Variants in PTPRT observed in about 807,000 individuals in gnomAD.
The protein encoded by PTPRT is protein tyrosine phosphatase receptor type T.
In PTPRT, 56 loss-of-function variants were observed where a neutral mutation model predicts 176.8. The ratio of observed to expected loss-of-function variants is 0.32; its 90% CI spans 0.26 to 0.40. The LOEUF (loss-of-function observed/expected upper bound fraction) is 0.40, where lower values mean the gene tolerates loss of function less well. Among genes scored for constraint, PTPRT ranks in the 10% least tolerant of loss-of-function variants. The probability of loss-of-function intolerance (pLI) is 1.00; values close to 1 mark genes in which losing one functional copy is unlikely to be tolerated. For missense variants in PTPRT, 1,540 were observed against 1,908.2 expected, an observed-to-expected ratio of 0.81 and a Z score of 3.60; for synonymous variants, 783 against 739.0, an observed-to-expected ratio of 1.06 and a Z score of -0.96.
At chr20:42,851,911 G>T (rs2078478938) in intron 2 of PTPRT, among the ~76,000 whole-genome samples, 1 of 152,100 alleles carries the variant, frequency 6.6e-6, no homozygotes, top group African/African-American at 2.4e-5. Flanking sequence ...TTTCCTAACA[G>T]CATTAATTAT....
intron 1 of PTPRT, among the ~76,000 whole-genome samples, chr20:43,167,088 G>A (rs139821080): frequency 3.9e-5 from 6 of 152,254 alleles, no homozygotes; most frequent in South Asian, 2.1e-4. Context: ...AGGGAGTGCC[G>A]TCATGTTAGT....
chr20:43,124,425 T>C (rs2146365317), intron 1 of PTPRT, among the ~76,000 whole-genome samples: 1 of 152,318 alleles, frequency 6.6e-6, no homozygotes, highest in Non-Finnish European at 1.5e-5. Context: ...CACACTGGCT[T>C]TGTCTCTTCT....
chr20:43,003,776 T>C (rs1984715179), intron 1 of PTPRT, among the ~76,000 whole-genome samples: 1 of 152,142 alleles, frequency 6.6e-6, no homozygotes, highest in Admixed American at 6.5e-5. Flanking sequence ...TCCCAGATGA[T>C]TCATAGGCAC....
At chr20:42,110,983 A>ACTT (rs1986957396) in intron 22 of PTPRT, among the ~76,000 whole-genome samples, 1 of 152,192 alleles carries the variant, frequency 6.6e-6, no homozygotes, top group African/African-American at 2.4e-5. Flanking sequence ...AGTTTATATA[A>ACTT]CTTAGTACTG....
chr20:42,642,620 G>A (rs2074785287), intron 7 of PTPRT, among the ~76,000 whole-genome samples: 2 of 152,044 alleles, frequency 1.3e-5, no homozygotes, highest in African/African-American at 4.8e-5. Context: ...TTAAATACCT[G>A]AGATCAATGA....
intron 1 of PTPRT, among the ~76,000 whole-genome samples, chr20:42,929,372 AT>A (rs1168205756): frequency 8.5e-5 from 13 of 152,266 alleles, no homozygotes; most frequent in African/African-American, 3.1e-4. Flanking sequence ...AAAGAAGGAC[AT>A]TAAATCATCT....
chr20:42,626,465 C>T (rs1209904340), intron 7 of PTPRT, among the ~76,000 whole-genome samples: 1 of 152,188 alleles, frequency 6.6e-6, no homozygotes, highest in Non-Finnish European at 1.5e-5. Flanking sequence ...TGCTCAATAA[C>T]AACCAAAGGG....
chr20:42,712,462 G>C (rs371015813), intron 6 of PTPRT, among the ~76,000 whole-genome samples: 2 of 152,192 alleles, frequency 1.3e-5, no homozygotes, highest in African/African-American at 4.8e-5. Flanking sequence ...TGTTTGCCAG[G>C]GACAGTACAC....
intron 7 of PTPRT, among the ~76,000 whole-genome samples, chr20:42,481,917 GTACTTATGGTGTGTTCT>G (rs2071394077): frequency 6.6e-6 from 1 of 151,916 alleles, no homozygotes. Flanking sequence ...CAACACTAGT[GTACTTATGGTGTGTTCT>G]TGATTGTAAG....
At chr20:42,996,270 C>T (rs141096583) in intron 1 of PTPRT, among the ~76,000 whole-genome samples, 1 of 152,194 alleles carries the variant, frequency 6.6e-6, no homozygotes. Context: ...AAGATCCTTA[C>T]AGCAATCAGC....
At position 42,248,753 on chromosome 20, in the gene PTPRT, C is replaced by G; in HGVS notation, c.2246G>C (p.Gly749Ala). 2.5e-6 allele frequency: 4 copies of G among 1,614,060 alleles called. No homozygotes were observed. Among genetic ancestry groups the G allele is most frequent in the Non-Finnish European group, 3.4e-6 (4 of 1,179,970 alleles). The part of the protein sequence containing the change: ...KQVDNTVKMA[G>A]VIAGLLMFII... ...GAACATGAGGAGGCCAGCGATCACG[C>G]CAGCCATCTTCACGGTGTTGTCCAC... The change falls in exon 14 of 31, where the codon GGC becomes GCC. Residue 749 changes from glycine to alanine, a missense_variant. Transcript: ENST00000373187.
intron 18 of PTPRT, among the ~76,000 whole-genome samples, chr20:42,136,500 A>G (rs984970400): frequency 2.6e-5 from 4 of 151,864 alleles, no homozygotes; most frequent in African/African-American, 9.7e-5. Context: ...CATTCTGTGT[A>G]CCTCCTTGTC....
At chr20:42,484,075 G>A (rs2071429777) in intron 7 of PTPRT, among the ~76,000 whole-genome samples, 1 of 152,104 alleles carries the variant, frequency 6.6e-6, no homozygotes, top group Non-Finnish European at 1.5e-5. Flanking sequence ...TTTCAACCCT[G>A]GCAGTAGCTG....
At chr20:42,391,376 A>G (rs1260113123) in intron 9 of PTPRT, among the ~76,000 whole-genome samples, 1 of 152,184 alleles carries the variant, frequency 6.6e-6, no homozygotes, top group Non-Finnish European at 1.5e-5. Flanking sequence ...AGTTGCAAGA[A>G]CCCAGACATG....
intron 9 of PTPRT, among the ~76,000 whole-genome samples, chr20:42,362,416 A>C (rs1160651555): frequency 6.6e-6 from 1 of 152,136 alleles, no homozygotes; most frequent in East Asian, 1.9e-4. Flanking sequence ...GAAAGAAAAA[A>C]AAAACTAACT....
At chr20:42,386,548 T>C (rs2058746331) in intron 9 of PTPRT, among the ~76,000 whole-genome samples, 1 of 152,178 alleles carries the variant, frequency 6.6e-6, no homozygotes, top group South Asian at 2.1e-4. Context: ...TGGACATCTA[T>C]GGTATGCTTG....
intron 19 of PTPRT, among the ~76,000 whole-genome samples, chr20:42,123,754 C>T (rs1316625440): frequency 6.6e-6 from 1 of 152,218 alleles, no homozygotes; most frequent in Non-Finnish European, 1.5e-5. Context: ...GAGTGGCTTG[C>T]TCTCTCGCTC....
At chr20:42,067,988 G>A (rs1469069199), downstream of PTPRT, among the ~76,000 whole-genome samples, 1 of 152,182 alleles carries the variant, frequency 6.6e-6, no homozygotes, top group East Asian at 1.9e-4. Flanking sequence ...GTGTTATAGA[G>A]TTGGCTACTC....
intron 1 of PTPRT, among the ~76,000 whole-genome samples, chr20:43,100,705 T>C (rs1600713738): frequency 1.3e-5 from 2 of 152,238 alleles, no homozygotes; most frequent in Middle Eastern, 3.4e-3. Context: ...CCTCACAGCC[T>C]AATGGGGAAA....
Sources: gnomAD v4.1 joint callset for allele counts (sites outside exome capture counted in the v4.1 genomes callset) on GRCh38, gnomAD v4.1.1 for gene constraint, MANE v1.5 for transcripts, NCBI Gene and HGNC (gene_info 2026-07-23, HGNC 2026-07-21) for gene names.